The following GAB2 variants were observed in gnomAD, a reference collection of about 807,000 sequenced individuals.
GAB2 encodes the protein GRB2-associated-binding protein 2.
Under a neutral mutation model 65.5 loss-of-function variants are expected in GAB2, and 26 were observed. The observed-to-expected ratio is 0.40, with a 90% CI of 0.29 to 0.55. GAB2 has a LOEUF of 0.55. Among genes scored for constraint, GAB2 ranks in the 20% least tolerant of loss-of-function variants. GAB2 has a pLI of 0.53. For missense variants in GAB2, 884 were observed against 875.8 expected (o/e 1.01, Z -0.12); for synonymous variants, 321 against 329.6 (o/e 0.97, Z 0.28).
intron 1 of GAB2, among the ~76,000 whole-genome samples, chr11:78,305,577 A>C (rs1855338733): frequency 6.6e-6 from 1 of 152,202 alleles, no homozygotes. Flanking sequence ...GTGTGGAGGT[A>C]AGTGATGAGC....
At chr11:78,291,555 C>CTTTTCTTTTTT (rs1866677044) in intron 1 of GAB2, among the ~76,000 whole-genome samples, 6 of 55,046 alleles carry the variant, frequency 1.1e-4, no homozygotes, top group South Asian at 6.9e-4. Flanking sequence ...TTACTTTTTT[C>CTTTTCTTTTTT]TTTTTCTTTT....
intron 2 of GAB2, among the ~76,000 whole-genome samples, chr11:78,259,401 T>C (rs114095674): frequency 0.011 from 1,710 of 152,314 alleles, 30 homozygotes; most frequent in African/African-American, 0.032. Context: ...GACAACAGTA[T>C]TTGATAGGAT....
intron 4 of GAB2, 137 bp downstream of exon 4, chr11:78,226,328 C>T: frequency 1.4e-6 from 1 of 700,984 alleles, no homozygotes; most frequent in Non-Finnish European, 2.6e-6. Context: ...GTAGAAGACA[C>T]CTATGTTTTT....
intron 2 of GAB2, among the ~76,000 whole-genome samples, chr11:78,254,830 A>T (rs1865553705): frequency 6.6e-6 from 1 of 151,792 alleles, no homozygotes; most frequent in African/African-American, 2.4e-5. Context: ...GAAAAAAAAA[A>T]GTATGTAGCT....
intron 1 of GAB2, among the ~76,000 whole-genome samples, chr11:78,363,230 G>A (rs1240887955): frequency 4.6e-5 from 7 of 152,196 alleles, no homozygotes; most frequent in Non-Finnish European, 1.0e-4. Flanking sequence ...AGTTACACAT[G>A]AGCTGCATAA....
chr11:78,403,663 G>A (rs989704905), intron 1 of GAB2, among the ~76,000 whole-genome samples: 4 of 152,174 alleles, frequency 2.6e-5, no homozygotes, highest in African/African-American at 9.7e-5. Context: ...AAATGCTCCA[G>A]GACATTGGTC....
chr11:78,401,448 A>C (rs1391890974), intron 1 of GAB2, among the ~76,000 whole-genome samples: 1 of 150,510 alleles, frequency 6.6e-6, no homozygotes, highest in Non-Finnish European at 1.5e-5. Context: ...AGGTTCATCT[A>C]TGTTGTATCA....
At chr11:78,339,340 C>T (rs1856055371) in intron 1 of GAB2, among the ~76,000 whole-genome samples, 1 of 152,106 alleles carries the variant, frequency 6.6e-6, no homozygotes, top group African/African-American at 2.4e-5. Flanking sequence ...GTTCTCTTTT[C>T]TTTTTTTGCA....
chr11:78,398,506 G>T (rs1459953270), intron 1 of GAB2, among the ~76,000 whole-genome samples: 1 of 152,158 alleles, frequency 6.6e-6, no homozygotes, highest in Admixed American at 6.5e-5. Flanking sequence ...GAAATGTGAT[G>T]AAATCTTGAT....
At chr11:78,249,524 T>A (rs57533374) in intron 3 of GAB2, among the ~76,000 whole-genome samples, 16 of 152,360 alleles carry the variant, frequency 1.1e-4, no homozygotes, top group Admixed American at 2.0e-4. Context: ...GAGCTGATGA[T>A]GTTAGAAAAA....
At chr11:78,272,507 G>C (rs1365439990) in intron 2 of GAB2, among the ~76,000 whole-genome samples, 1 of 152,188 alleles carries the variant, frequency 6.6e-6, no homozygotes, top group Admixed American at 6.6e-5. Context: ...GAACTTGAGA[G>C]AGATGATTCA....
chr11:78,391,070 T>G (rs575262250), intron 1 of GAB2, among the ~76,000 whole-genome samples: 3 of 152,132 alleles, frequency 2.0e-5, no homozygotes, highest in African/African-American at 7.2e-5. Context: ...GAAAAATAAA[T>G]GTTATTGTGG....
rs199986722 is a variant in GAB2 at position 78,383,438 on chromosome 11, C to CT, written c.75+34207dup. Among the ~76,000 whole-genome samples, 63 of 149,002 alleles carry CT rather than the reference C, an allele frequency of 4.2e-4. No individual in the cohort carries two copies. The East Asian group carries it at 4.8e-3, about 11-fold the overall frequency. ...GGCATAGCTACGACAATGTCTTTTTCTTTTTTTTTAAGACGTGGGGTCTCA... is the reference window on the plus strand; with the variant it reads ...GGCATAGCTACGACAATGTCTTTTTCTTTTTTTTTTAAGACGTGGGGTCTCA... On this transcript the variant is annotated intron_variant, in intron 1 of 9. Transcript: ENST00000361507.
chr11:78,381,974 A>G (rs957251285), intron 1 of GAB2, among the ~76,000 whole-genome samples: 1 of 152,138 alleles, frequency 6.6e-6, no homozygotes, highest in Non-Finnish European at 1.5e-5. Context: ...TGCTAATCCC[A>G]CCACTTCTCA....
At chr11:78,240,238 C>T (rs1232110981) in intron 3 of GAB2, among the ~76,000 whole-genome samples, 1 of 152,128 alleles carries the variant, frequency 6.6e-6, no homozygotes, top group Non-Finnish European at 1.5e-5. Flanking sequence ...ATATGGTTCC[C>T]TGCATTCCAG....
chr11:78,233,429 C>A, intron 3 of GAB2, among the ~76,000 whole-genome samples: 1 of 152,182 alleles, frequency 6.6e-6, no homozygotes, highest in East Asian at 1.9e-4. Flanking sequence ...ATCATCTATT[C>A]ATGTGGTTAC....
At chr11:78,266,866 G>A (rs1472772589) in intron 2 of GAB2, among the ~76,000 whole-genome samples, 1 of 152,230 alleles carries the variant, frequency 6.6e-6, no homozygotes, top group Non-Finnish European at 1.5e-5. Flanking sequence ...AGCAGGTTCT[G>A]AGTGGTAAGG....
At chr11:78,327,871 A>G (rs969662120) in intron 1 of GAB2, among the ~76,000 whole-genome samples, 9 of 152,226 alleles carry the variant, frequency 5.9e-5, no homozygotes, top group Admixed American at 5.9e-4. Context: ...ATAATACCTT[A>G]CTAGATTGAA....
intron 1 of GAB2, among the ~76,000 whole-genome samples, chr11:78,287,347 T>C (rs561196400): frequency 1.6e-4 from 24 of 148,540 alleles, no homozygotes; most frequent in Middle Eastern, 3.4e-3. Context: ...GGCATGAACA[T>C]GGCTCACTGC....
Sources: allele counts gnomAD v4.1 joint callset (sites outside exome capture counted in the v4.1 genomes callset), GRCh38; gene constraint gnomAD v4.1.1; transcripts MANE v1.5; gene names NCBI Gene and HGNC (gene_info 2026-07-23, HGNC 2026-07-21).